The following ACBD6 variants were observed in gnomAD, a reference collection of about 807,000 sequenced individuals.
The protein encoded by ACBD6 is acyl-CoA binding domain containing 6, also known as acyl-CoA-binding domain-containing protein 6.
In ACBD6, 28 loss-of-function variants were observed where a neutral mutation model predicts 37.2. That is an observed-to-expected ratio of 0.75 (90% CI 0.56 to 1.03). The LOEUF (loss-of-function observed/expected upper bound fraction) is 1.03, where lower values mean the gene tolerates loss of function less well. ACBD6 is among the 50% of genes least tolerant of loss of function. The pLI is 0.00. For missense variants in ACBD6, 340 were observed against 337.4 expected (o/e 1.01, Z -0.06); for synonymous variants, 113 against 126.8 (o/e 0.89, Z 0.73).
intron 5 of ACBD6, among the ~76,000 whole-genome samples, chr1:180,398,059 TACAACAACAACAACA>T (rs10583778): frequency 2.7e-5 from 4 of 149,266 alleles, no homozygotes; most frequent in South Asian, 4.3e-4. Flanking sequence ...TCTCAAAAAC[TACAACAACAACAACA>T]ACAACAACAA....
At chr1:180,466,930 A>G (rs1361224373) in intron 3 of ACBD6, among the ~76,000 whole-genome samples, 1 of 152,164 alleles carries the variant, frequency 6.6e-6, no homozygotes, top group Non-Finnish European at 1.5e-5. Context: ...ATCTATATAA[A>G]TATGTATAGA....
chr1:180,436,739 C>T (rs549194398), intron 3 of ACBD6, among the ~76,000 whole-genome samples: 1 of 151,986 alleles, frequency 6.6e-6, no homozygotes, highest in Non-Finnish European at 1.5e-5. Context: ...GAATTAGATC[C>T]TCCCCTTCAA....
At chr1:180,358,734 T>C (rs1652729453) in intron 6 of ACBD6, among the ~76,000 whole-genome samples, 1 of 152,056 alleles carries the variant, frequency 6.6e-6, no homozygotes, top group South Asian at 2.1e-4. Context: ...CAGAAATAAT[T>C]AAAATATAAG....
chr1:180,389,844 G>GGGTTGTTT (rs765582448), intron 6 of ACBD6, among the ~76,000 whole-genome samples: 806 of 152,164 alleles, frequency 5.3e-3, no homozygotes, highest in Non-Finnish European at 8.4e-3. Context: ...CTTTTTGATG[G>GGGTTGTTT]GGTTGTTTGT....
chr1:180,428,957 A>G (rs1648706458), intron 4 of ACBD6, among the ~76,000 whole-genome samples: 1 of 152,192 alleles, frequency 6.6e-6, no homozygotes, highest in Non-Finnish European at 1.5e-5. Flanking sequence ...CTAACTCTAC[A>G]TAAGCAATAG....
chr1:180,358,608 T>C (rs1357473325), intron 6 of ACBD6, among the ~76,000 whole-genome samples: 3 of 151,244 alleles, frequency 2.0e-5, no homozygotes, highest in Admixed American at 2.0e-4. Context: ...AAATCAATGA[T>C]GTACTCTTTG....
chr1:180,417,790 T>C (rs1443427396), intron 4 of ACBD6, among the ~76,000 whole-genome samples: 1 of 152,172 alleles, frequency 6.6e-6, no homozygotes, highest in Non-Finnish European at 1.5e-5. Context: ...CCTTTGGAGG[T>C]AGTCTTTCTA....
At chr1:180,494,655 C>T (rs912543705) in intron 2 of ACBD6, among the ~76,000 whole-genome samples, 1 of 152,162 alleles carries the variant, frequency 6.6e-6, no homozygotes, top group East Asian at 1.9e-4. Flanking sequence ...AGTAAGAACC[C>T]ATATTTTATC....
At chr1:180,392,284 T>C (rs959880464) in intron 6 of ACBD6, among the ~76,000 whole-genome samples, 3 of 151,008 alleles carry the variant, frequency 2.0e-5, no homozygotes, top group Non-Finnish European at 4.4e-5. Flanking sequence ...TGTGTGTGTG[T>C]ATGTATGTAA....
Position 180,429,419 on chromosome 1 carries a change from T to C in ACBD6, c.467+761A>G, listed in dbSNP as rs577735733. Among the ~76,000 whole-genome samples, 3 of 152,352 alleles carry C rather than the reference T, an allele frequency of 2.0e-5. No homozygotes were observed. In the East Asian group the frequency reaches 5.8e-4, roughly 29 times the overall value. Reference sequence around the variant, plus strand: ...GTAATATCCTCAAGGTTCATACATGTTGCAACAGCTGTCAAAATTTCCTTC... The same window carrying C: ...GTAATATCCTCAAGGTTCATACATGCTGCAACAGCTGTCAAAATTTCCTTC... On this transcript the variant is annotated intron_variant, in intron 4 of 7. Transcript: ENST00000367595.
intron 3 of ACBD6, among the ~76,000 whole-genome samples, chr1:180,457,738 C>A (rs974575590): frequency 1.3e-5 from 2 of 150,532 alleles, no homozygotes; most frequent in Non-Finnish European, 3.0e-5. Flanking sequence ...TATAGGCATA[C>A]ACAAACACTA....
intron 9 of ACBD6, chr1:180,275,971 G>A (rs1412657253): frequency 2.6e-5 from 4 of 152,274 alleles, no homozygotes; most frequent in East Asian, 1.9e-4. Context: ...TGTGGGAAAC[G>A]CTGTCCTGAA....
intron 3 of ACBD6, among the ~76,000 whole-genome samples, chr1:180,458,782 G>A (rs1215392701): frequency 1.3e-5 from 2 of 152,070 alleles, no homozygotes; most frequent in African/African-American, 4.8e-5. Flanking sequence ...GGGAAGAGAA[G>A]TACATACTAC....
intron 3 of ACBD6, among the ~76,000 whole-genome samples, chr1:180,484,682 C>G (rs952924162): frequency 6.8e-6 from 1 of 148,002 alleles, no homozygotes; most frequent in African/African-American, 2.5e-5. Context: ...GTATACACGT[C>G]TGTGTCTACA....
chr1:180,414,519 T>C (rs1449789201), intron 4 of ACBD6, among the ~76,000 whole-genome samples: 2 of 152,236 alleles, frequency 1.3e-5, no homozygotes, highest in Admixed American at 6.5e-5. Context: ...ATCTAAGTGT[T>C]CTTTAAGCCG....
chr1:180,429,378 G>C (rs1388916848), intron 4 of ACBD6, among the ~76,000 whole-genome samples: 1 of 152,100 alleles, frequency 6.6e-6, no homozygotes, highest in African/African-American at 2.4e-5. Context: ...CTTGTGACTG[G>C]CTTATTTCAC....
intron 3 of ACBD6, among the ~76,000 whole-genome samples, chr1:180,440,750 T>C (rs896520252): frequency 1.3e-5 from 2 of 152,228 alleles, no homozygotes; most frequent in African/African-American, 4.8e-5. Context: ...ATCTGCTTTC[T>C]GTCTCTATGG....
In ACBD6 at chr1:180,502,094, T is replaced by A; in HGVS notation, c.173A>T (p.Gln58Leu). 6.2e-7 allele frequency: 1 copy of A among 1,613,764 alleles called. No homozygotes were observed. Among genetic ancestry groups the A allele is most frequent in the Non-Finnish European group, 8.5e-7 (1 of 1,179,870 alleles). The change falls in exon 1 of 8, where the codon CAG becomes CTG. Residue 58 changes from glutamine (Q) to leucine (L), a missense_variant. By Grantham distance (113) the Gln-to-Leu change is moderately radical (BLOSUM62 -2). Coordinates refer to ENST00000367595, the MANE Select transcript of ACBD6 (RefSeq NM_032360.4). ...CAAGAGCTGCTCCCTGCTGGCCACC[T>A]GAATCAGGCCTTGCAGGTGCGCGGC... Reference protein sequence around the residue: ...KAAAHLQGLIQVASREQLLYL... With the variant: ...KAAAHLQGLILVASREQLLYL...
chr1:180,359,064 T>C (rs1326396973), intron 6 of ACBD6, among the ~76,000 whole-genome samples: 2 of 152,156 alleles, frequency 1.3e-5, no homozygotes, highest in African/African-American at 4.8e-5. Flanking sequence ...AATACAGGGC[T>C]CCAAGGACTC....
Sources: allele counts gnomAD v4.1 joint callset (sites outside exome capture counted in the v4.1 genomes callset), GRCh38; gene constraint gnomAD v4.1.1; transcripts MANE v1.5; gene names NCBI Gene and HGNC (gene_info 2026-07-23, HGNC 2026-07-21).